PTPRD: variants seen among roughly 807,000 people sequenced by gnomAD.
PTPRD encodes protein tyrosine phosphatase receptor type D.
PTPRD carries 34 observed loss-of-function variants against 214.5 expected under a neutral mutation model. The ratio of observed to expected loss-of-function variants is 0.16; its 90% CI spans 0.12 to 0.21. PTPRD has a LOEUF of 0.21. PTPRD is among the 10% of genes least tolerant of loss of function. PTPRD has a pLI of 1.00. For synonymous variants in PTPRD, 1,128 were observed against 845.7 expected, an observed-to-expected ratio of 1.33 and a Z score of -5.79; for missense variants, 2,545 against 2,398.7, an observed-to-expected ratio of 1.06 and a Z score of -1.27.
intron 4 of PTPRD, among the ~76,000 whole-genome samples, chr9:9,948,320 A>G (rs1202447163): frequency 6.6e-6 from 1 of 151,994 alleles, no homozygotes; most frequent in Non-Finnish European, 1.5e-5. Context: ...TCTTCCCTCA[A>G]TAGATTGGGA....
chr9:9,467,763 G>A (rs1041530506), intron 8 of PTPRD, among the ~76,000 whole-genome samples: 13 of 151,864 alleles, frequency 8.6e-5, no homozygotes, highest in Non-Finnish European at 1.8e-4. Flanking sequence ...TTTTCTGCAT[G>A]TATTTAGGAA....
chr9:10,416,001 A>G (rs894237717), intron 2 of PTPRD, among the ~76,000 whole-genome samples: 2 of 151,948 alleles, frequency 1.3e-5, no homozygotes, highest in Admixed American at 1.3e-4. Flanking sequence ...TCCAAAATTA[A>G]TTTTGAGAGA....
At chr9:9,398,486 T>C (rs1411136364) in intron 8 of PTPRD, among the ~76,000 whole-genome samples, 4 of 151,980 alleles carry the variant, frequency 2.6e-5, no homozygotes, top group Non-Finnish European at 5.9e-5. Flanking sequence ...ACATTTTCCA[T>C]ATTTTGTCAA....
At chr9:8,511,982 T>A (rs947505455) in intron 21 of PTPRD, among the ~76,000 whole-genome samples, 2 of 152,116 alleles carry the variant, frequency 1.3e-5, no homozygotes, top group Non-Finnish European at 2.9e-5. Flanking sequence ...TAGAAGAGAT[T>A]AATATTTGAA....
chr9:8,936,825 A>G (rs1048573976), intron 11 of PTPRD, among the ~76,000 whole-genome samples: 6 of 152,208 alleles, frequency 3.9e-5, no homozygotes, highest in African/African-American at 1.4e-4. Flanking sequence ...TGAACATGGG[A>G]TAATTCAAAA....
At position 10,036,608 on chromosome 9, in the gene PTPRD, C is replaced by T. The variant is rs535263135; in HGVS notation, c.-544-2818G>A. On this transcript the variant is annotated intron_variant, in intron 3 of 45. Transcript: ENST00000381196. ...ATTTCATTTTATTATATTTTTGAAA[C>T]GGAGCCTGGTTCTGTCACCAGGCTG... is the stretch of plus-strand genomic sequence containing the variant. 1.3e-4 allele frequency among the ~76,000 whole-genome samples: 20 copies of T among 151,544 alleles called. No homozygotes were observed. The East Asian group carries it at 2.1e-3, about 16-fold the overall frequency.
At chr9:10,213,199 G>C (rs1414620757) in intron 3 of PTPRD, among the ~76,000 whole-genome samples, 1 of 152,024 alleles carries the variant, frequency 6.6e-6, no homozygotes, top group Non-Finnish European at 1.5e-5. Flanking sequence ...TAACAATACA[G>C]ATTTGTTTTT....
chr9:10,445,398 G>T (rs912352728), intron 2 of PTPRD, among the ~76,000 whole-genome samples: 1 of 152,048 alleles, frequency 6.6e-6, no homozygotes, highest in African/African-American at 2.4e-5. Flanking sequence ...ATGAGGACAT[G>T]TCTGCAATAG....
intron 3 of PTPRD, among the ~76,000 whole-genome samples, chr9:10,244,338 C>T (rs1158922526): frequency 6.6e-6 from 1 of 152,120 alleles, no homozygotes; most frequent in South Asian, 2.1e-4. Context: ...TGCAGTCTGC[C>T]TCTCTTGTGC....
At chr9:10,094,527 TTTTC>T (rs2098463869) in intron 3 of PTPRD, among the ~76,000 whole-genome samples, 4 of 137,628 alleles carry the variant, frequency 2.9e-5, no homozygotes, top group Non-Finnish European at 6.1e-5. Context: ...ATGGTTTTTT[TTTTC>T]TTTCTTTCTT....
At chr9:9,220,006 G>A (rs1221067303) in intron 9 of PTPRD, among the ~76,000 whole-genome samples, 1 of 151,918 alleles carries the variant, frequency 6.6e-6, no homozygotes, top group Non-Finnish European at 1.5e-5. Flanking sequence ...TGAAATAAAC[G>A]GTATCATAAA....
In PTPRD at chr9:8,427,401, C is replaced by T. The variant is rs112268310; in HGVS notation, c.4086+9191G>A. Among the ~76,000 whole-genome samples the T allele has an allele frequency of 3.3e-3, 495 of 152,232 alleles. 3 individuals carry two copies. The highest frequency in any genetic ancestry group is 0.012 in the African/African-American group (483 of 41,550). ...TTGATACTAGCAATTTTGATCACAA[C>T]AAAGAGTTTCTATGAACTGTAAATT... is the stretch of plus-strand genomic sequence containing the variant. On this transcript the variant is annotated intron_variant, in intron 35 of 45. Coordinates refer to ENST00000381196, the MANE Select transcript of PTPRD (RefSeq NM_002839.4).
intron 10 of PTPRD, among the ~76,000 whole-genome samples, chr9:9,051,530 T>C (rs2099685483): frequency 6.6e-6 from 1 of 152,182 alleles, no homozygotes; most frequent in South Asian, 2.1e-4. Context: ...CATTCTTTCT[T>C]CATTTTTTAA....
At chr9:8,875,907 T>C (rs2098384146) in intron 11 of PTPRD, among the ~76,000 whole-genome samples, 1 of 152,106 alleles carries the variant, frequency 6.6e-6, no homozygotes. Context: ...TTTTGTGACA[T>C]GGAAAGATGG....
intron 10 of PTPRD, among the ~76,000 whole-genome samples, chr9:9,035,776 A>C (rs1038070576): frequency 1.3e-5 from 2 of 151,528 alleles, no homozygotes; most frequent in Non-Finnish European, 2.9e-5. Context: ...CTTTCTGTGC[A>C]CTTTCTTAGT....
intron 9 of PTPRD, among the ~76,000 whole-genome samples, chr9:9,383,511 A>T (rs1372701310): frequency 6.6e-6 from 1 of 152,096 alleles, no homozygotes; most frequent in African/African-American, 2.4e-5. Flanking sequence ...CATCCTGAGT[A>T]TATTATTTGA....
At chr9:10,065,925 A>G (rs1590145843) in intron 3 of PTPRD, among the ~76,000 whole-genome samples, 1 of 151,962 alleles carries the variant, frequency 6.6e-6, no homozygotes. Context: ...TGGTATCACA[A>G]AGCAAATTAA....
At chr9:10,331,780 T>C (rs1252595312) in intron 3 of PTPRD, among the ~76,000 whole-genome samples, 1 of 151,912 alleles carries the variant, frequency 6.6e-6, no homozygotes, top group Non-Finnish European at 1.5e-5. Context: ...CTTATTTTTA[T>C]GCAATTTTAG....
intron 14 of PTPRD, among the ~76,000 whole-genome samples, chr9:8,541,017 A>G (rs1343675575): frequency 6.6e-6 from 1 of 152,196 alleles, no homozygotes; most frequent in Non-Finnish European, 1.5e-5. Context: ...AAAGATCAAA[A>G]TCTTAAAACA....
Sources: allele counts gnomAD v4.1 joint callset (sites outside exome capture counted in the v4.1 genomes callset), GRCh38; gene constraint gnomAD v4.1.1; transcripts MANE v1.5; gene names NCBI Gene and HGNC (gene_info 2026-07-23, HGNC 2026-07-21).